Variants in GRIA4 observed in about 807,000 individuals in gnomAD.
GRIA4 encodes glutamate ionotropic receptor AMPA type subunit 4.
In GRIA4, 34 loss-of-function variants were observed where a neutral mutation model predicts 104.0. The ratio of observed to expected loss-of-function variants is 0.33; its 90% CI spans 0.25 to 0.44. GRIA4 has a LOEUF of 0.44. GRIA4 is among the 20% of genes least tolerant of loss of function. GRIA4 has a pLI of 1.00. For missense variants in GRIA4, 750 were observed against 1,096.5 expected (o/e 0.68, Z 4.46); for synonymous variants, 386 against 381.9 (o/e 1.01, Z -0.13).
intron 7 of GRIA4, among the ~76,000 whole-genome samples, chr11:105,900,644 TG>T (rs1946821177): frequency 1.3e-5 from 2 of 152,206 alleles, no homozygotes; most frequent in Non-Finnish European, 2.9e-5. Context: ...TGGAGTGCAG[TG>T]TCGCGATCTC....
At chr11:105,723,881 G>A (rs1938006941) in intron 3 of GRIA4, among the ~76,000 whole-genome samples, 1 of 151,948 alleles carries the variant, frequency 6.6e-6, no homozygotes, top group Non-Finnish European at 1.5e-5. Context: ...TTCAAAAGAA[G>A]ACATACAAAT....
chr11:105,713,878 G>T (rs1230322389), intron 3 of GRIA4, among the ~76,000 whole-genome samples: 1 of 152,148 alleles, frequency 6.6e-6, no homozygotes, highest in East Asian at 1.9e-4. Context: ...CCAGTAGTGG[G>T]TACAGCTGCA....
At chr11:105,645,680 T>C (rs867911748) in intron 3 of GRIA4, among the ~76,000 whole-genome samples, 75 of 151,934 alleles carry the variant, frequency 4.9e-4, no homozygotes, top group Admixed American at 1.2e-3. Context: ...TTTAAGTCAA[T>C]GAATAAAAGA....
chr11:105,717,704 TC>T (rs1480094468), intron 3 of GRIA4, among the ~76,000 whole-genome samples: 1 of 151,848 alleles, frequency 6.6e-6, no homozygotes, highest in Non-Finnish European at 1.5e-5. Flanking sequence ...CTCTCTTTTT[TC>T]TTTTTTTTTA....
intron 3 of GRIA4, chr11:105,613,976 T>C (rs1381527218): frequency 6.6e-6 from 1 of 151,974 alleles, no homozygotes; most frequent in African/African-American, 2.4e-5. Flanking sequence ...TCTCAGTTAA[T>C]AGTTTTATGT....
At chr11:105,733,018 A>G (rs1479915890) in intron 3 of GRIA4, among the ~76,000 whole-genome samples, 2 of 152,158 alleles carry the variant, frequency 1.3e-5, no homozygotes, top group African/African-American at 4.8e-5. Context: ...CAGCCTCTTT[A>G]TGTTGTATCT....
chr11:105,731,886 G>C (rs1433041448), intron 3 of GRIA4, among the ~76,000 whole-genome samples: 1 of 151,952 alleles, frequency 6.6e-6, no homozygotes, highest in Non-Finnish European at 1.5e-5. Context: ...GGGGGGTGGG[G>C]GACAAGGGGA....
intron 4 of GRIA4, among the ~76,000 whole-genome samples, chr11:105,800,563 T>G (rs1210899712): frequency 6.6e-6 from 1 of 152,066 alleles, no homozygotes; most frequent in Non-Finnish European, 1.5e-5. Context: ...AAAATTAATA[T>G]AGACTAAATA....
chr11:105,930,334 C>G (rs1947836853), intron 13 of GRIA4, among the ~76,000 whole-genome samples: 1 of 151,984 alleles, frequency 6.6e-6, no homozygotes, highest in African/African-American at 2.4e-5. Context: ...GGTGACAAAC[C>G]AGGCTAATTT....
At chr11:105,613,819 T>A (rs768959741) in intron 3 of GRIA4, 3 of 152,080 alleles carry the variant, frequency 2.0e-5, no homozygotes, top group Non-Finnish European at 2.9e-5. Flanking sequence ...AGGCTATAGG[T>A]TCTATGAGTT....
intron 3 of GRIA4, among the ~76,000 whole-genome samples, chr11:105,653,692 C>A (rs933844302): frequency 6.6e-6 from 1 of 151,744 alleles, no homozygotes. Context: ...TCTGGGTAAA[C>A]ATAATAGGGT....
At chr11:105,830,157 T>C (rs999563062) in intron 4 of GRIA4, among the ~76,000 whole-genome samples, 19 of 151,992 alleles carry the variant, frequency 1.3e-4, no homozygotes, top group African/African-American at 4.6e-4. Flanking sequence ...TGCTGAAAAT[T>C]TCACTAGTAA....
chr11:105,677,072 CAAAT>C (rs1412511302), intron 3 of GRIA4, among the ~76,000 whole-genome samples: 1 of 151,710 alleles, frequency 6.6e-6, no homozygotes, highest in Admixed American at 6.6e-5. Flanking sequence ...ATAATATTTT[CAAAT>C]AAATAAATAT....
chr11:105,677,154 T>G (rs1373704739), intron 3 of GRIA4, among the ~76,000 whole-genome samples: 1 of 151,840 alleles, frequency 6.6e-6, no homozygotes, highest in Non-Finnish European at 1.5e-5. Flanking sequence ...AAGTGATCCA[T>G]TTTTTAAAAT....
intron 3 of GRIA4, among the ~76,000 whole-genome samples, chr11:105,685,696 T>C (rs1388779483): frequency 6.6e-6 from 1 of 152,264 alleles, no homozygotes; most frequent in East Asian, 1.9e-4. Flanking sequence ...TGGAGGACAT[T>C]CTATGAGAAG....
chr11:105,626,895 T>C (rs1345940432), intron 3 of GRIA4, among the ~76,000 whole-genome samples: 3 of 152,188 alleles, frequency 2.0e-5, no homozygotes, highest in African/African-American at 4.8e-5. Flanking sequence ...ATGGAGCTCA[T>C]AGAGCTAGTT....
intron 3 of GRIA4, among the ~76,000 whole-genome samples, chr11:105,644,718 A>G (rs1261159514): frequency 6.6e-6 from 1 of 152,214 alleles, no homozygotes; most frequent in African/African-American, 2.4e-5. Context: ...GTAAGGGCAC[A>G]TTGGCATAAG....
At chr11:105,700,736 T>A (rs1591099825) in intron 3 of GRIA4, among the ~76,000 whole-genome samples, 1 of 152,098 alleles carries the variant, frequency 6.6e-6, no homozygotes, top group African/African-American at 2.4e-5. Context: ...TTCTTTTAAT[T>A]CCCACCGACA....
At chr11:105,748,523 C>T (rs561798152) in intron 3 of GRIA4, among the ~76,000 whole-genome samples, 1 of 152,208 alleles carries the variant, frequency 6.6e-6, no homozygotes, top group South Asian at 2.1e-4. Flanking sequence ...GCTGGGATTA[C>T]GGGCATGTGC....
Sources: allele counts gnomAD v4.1 joint callset (sites outside exome capture counted in the v4.1 genomes callset), GRCh38; gene constraint gnomAD v4.1.1; transcripts MANE v1.5; gene names NCBI Gene and HGNC (gene_info 2026-07-23, HGNC 2026-07-21).